ZNF148: variants seen among roughly 807,000 people sequenced by gnomAD.
ZNF148 encodes Beta-Enolase Repressor Factor-1.
A neutral mutation model predicts 67.7 loss-of-function variants in ZNF148; 7 were observed. The observed-to-expected ratio is 0.10, with a 90% CI of 0.06 to 0.19. The LOEUF (loss-of-function observed/expected upper bound fraction) is 0.19, where lower values mean the gene tolerates loss of function less well. Among genes scored for constraint, ZNF148 ranks in the 10% least tolerant of loss-of-function variants. The pLI is 1.00. For synonymous variants in ZNF148, 333 were observed against 330.7 expected, an observed-to-expected ratio of 1.01 and a Z score of -0.08; for missense variants, 583 against 947.1, an observed-to-expected ratio of 0.62 and a Z score of 5.05.
intron 1 of ZNF148, among the ~76,000 whole-genome samples, chr3:125,353,031 C>T (rs1204588465): frequency 3.3e-5 from 5 of 152,146 alleles, no homozygotes; most frequent in Non-Finnish European, 5.9e-5. Context: ...TGCCATACAA[C>T]CCAGCAATCC....
chr3:125,323,162 A>G (rs1295476167), intron 3 of ZNF148, 147 bp downstream of exon 3: 1 of 377,538 alleles, frequency 2.6e-6, no homozygotes, highest in African/African-American at 2.1e-5. Flanking sequence ...TCTCAGGAAA[A>G]AAACTAGTTT....
intron 7 of ZNF148, among the ~76,000 whole-genome samples, chr3:125,258,961 C>T (rs1191080265): frequency 6.6e-6 from 1 of 151,902 alleles, no homozygotes; most frequent in Non-Finnish European, 1.5e-5. Context: ...AACTCATTAC[C>T]CTTTTACTTT....
At chr3:125,352,759 G>GAC (rs1942201750) in intron 1 of ZNF148, among the ~76,000 whole-genome samples, 1 of 151,144 alleles carries the variant, frequency 6.6e-6, no homozygotes, top group Admixed American at 6.6e-5. Flanking sequence ...ATACAGATGT[G>GAC]ATTATTCTAA....
chr3:125,345,974 T>C (rs1195727565), intron 1 of ZNF148, among the ~76,000 whole-genome samples: 1 of 152,208 alleles, frequency 6.6e-6, no homozygotes, highest in East Asian at 1.9e-4. Context: ...ATTCTTCAAC[T>C]CATTTTATGA....
chr3:125,263,144 C>G (rs984138259), intron 7 of ZNF148, among the ~76,000 whole-genome samples: 1 of 152,164 alleles, frequency 6.6e-6, no homozygotes, highest in African/African-American at 2.4e-5. Context: ...GTGTATAATT[C>G]CATTTTGAAA....
At chr3:125,357,528 C>G (rs1280290145) in intron 1 of ZNF148, among the ~76,000 whole-genome samples, 2 of 152,070 alleles carry the variant, frequency 1.3e-5, no homozygotes, top group Admixed American at 1.3e-4. Context: ...CAAGAGCGCA[C>G]GGACCCAGGC....
intron 2 of ZNF148, among the ~76,000 whole-genome samples, chr3:125,327,553 G>A (rs2107703510): frequency 6.6e-6 from 1 of 152,312 alleles, no homozygotes; most frequent in South Asian, 2.1e-4. Context: ...GCACAACGTG[G>A]CCCATGCCTG....
At chr3:125,238,619 C>G (rs1006597222) in intron 7 of ZNF148, among the ~76,000 whole-genome samples, 2 of 152,058 alleles carry the variant, frequency 1.3e-5, no homozygotes, top group Admixed American at 6.6e-5. Flanking sequence ...CAGAAAAAGA[C>G]TCTGTCTAAA....
At chr3:125,310,656 T>A (rs1376012675) in intron 4 of ZNF148, among the ~76,000 whole-genome samples, 1 of 151,706 alleles carries the variant, frequency 6.6e-6, no homozygotes, top group Non-Finnish European at 1.5e-5. Context: ...GGGAAAAAAA[T>A]CAAGAAAATC....
chr3:125,248,613 C>A (rs150898045), intron 7 of ZNF148, among the ~76,000 whole-genome samples: 74 of 152,264 alleles, frequency 4.9e-4, no homozygotes, highest in African/African-American at 1.7e-3. Flanking sequence ...TTTTGCCCAC[C>A]CATACGATGT....
At position 125,226,647 on chromosome 3, in the gene ZNF148, T is replaced by C. The variant is rs1935649204; in HGVS notation, c.*5694A>G. On this transcript the variant is annotated 3_prime_UTR_variant, in exon 9 of 9. Transcript: ENST00000360647. ...CATGAAACAAGCTGTCACTGTATTA[T>C]AAAGGCTCAGCAATTCATTCATGGC... The C allele has an allele frequency of 6.6e-6, 1 of 152,592 alleles. No individual in the cohort carries two copies. The highest frequency in any genetic ancestry group is 2.4e-5 in the African/African-American group (1 of 41,448). 9.5% of individuals were successfully genotyped at this position (152,592 alleles called of 1,614,324 possible). A position where few individuals can be genotyped will look rare whatever the true frequency, so the allele number is the denominator to read the frequency against.
At chr3:125,282,144 A>C (rs1938423145) in intron 5 of ZNF148, among the ~76,000 whole-genome samples, 1 of 152,160 alleles carries the variant, frequency 6.6e-6, no homozygotes, top group Non-Finnish European at 1.5e-5. Flanking sequence ...TAGTGAGAGA[A>C]GCGGGTAGGC....
At position 125,232,887 on chromosome 3, in the gene ZNF148, C is replaced by T; in HGVS notation, c.1839G>A (p.Leu613=). 1 of 1,613,792 alleles carries T rather than the reference C, an allele frequency of 6.2e-7. No individual in the cohort carries two copies. Among genetic ancestry groups the T allele is most frequent in the South Asian group, 1.1e-5 (1 of 91,054 alleles). The change falls in exon 9 of 9, where the codon TTG becomes TTA. Residue 613 remains leucine (L), a synonymous_variant. Transcript: ENST00000360647. The surrounding 1 kb of genome is among the most constrained non-coding windows in gnomAD (Gnocchi z 4.2). ...AGGCATCATTTTGGCTAGTTCTGTC[C>T]AAAGCCTGCTGCAGAAACTTGGAGT... ...QEYSKFLQQA[L]DRTSQNDAYL...
chr3:125,336,243 A>T (rs1233938534), intron 1 of ZNF148, among the ~76,000 whole-genome samples: 2 of 152,234 alleles, frequency 1.3e-5, no homozygotes, highest in African/African-American at 4.8e-5. Flanking sequence ...TACAGCACAC[A>T]TGGCATAAGA....
At chr3:125,311,771 C>T (rs550687495) in intron 4 of ZNF148, among the ~76,000 whole-genome samples, 1 of 152,186 alleles carries the variant, frequency 6.6e-6, no homozygotes, top group African/African-American at 2.4e-5. Flanking sequence ...GAGGACATCA[C>T]TATAAACCCC....
chr3:125,268,374 G>A (rs1937587074), intron 7 of ZNF148, among the ~76,000 whole-genome samples: 1 of 151,654 alleles, frequency 6.6e-6, no homozygotes, highest in Non-Finnish European at 1.5e-5. Context: ...ACAAACCAAT[G>A]GAACAGAATA....
chr3:125,273,499 C>CA (rs563899680), intron 7 of ZNF148, among the ~76,000 whole-genome samples: 1 of 142,386 alleles, frequency 7.0e-6, no homozygotes, highest in African/African-American at 2.6e-5. Context: ...GGAAGAGAAT[C>CA]TTTTTTTTTT....
intron 7 of ZNF148, among the ~76,000 whole-genome samples, chr3:125,237,602 TAAA>T (rs1282602232): frequency 3.9e-5 from 6 of 152,082 alleles, no homozygotes; most frequent in African/African-American, 1.4e-4. Flanking sequence ...AAACTAAATT[TAAA>T]AAAGAATGTA....
In ZNF148 at chr3:125,361,691, G is replaced by A. The variant is rs376181513; in HGVS notation, c.-234+13411C>T. Among the ~76,000 whole-genome samples, 54 of 152,148 alleles carry A rather than the reference G, an allele frequency of 3.5e-4. No individual in the cohort carries two copies. The East Asian group carries it at 6.8e-3, about 19-fold the overall frequency. ...CCTTTAAAAATACAGAAAATTAGCC[G>A]GACATGGCGGCTCATGCCTTAATCC... On this transcript the variant is annotated intron_variant, in intron 1 of 8. Transcript: ENST00000360647.
Sources: allele counts gnomAD v4.1 joint callset (sites outside exome capture counted in the v4.1 genomes callset), GRCh38; gene constraint gnomAD v4.1.1; non-coding constraint Gnocchi (gnomAD v3.1); transcripts MANE v1.5; gene names NCBI Gene and HGNC (gene_info 2026-07-23, HGNC 2026-07-21).